EYS: variants seen among roughly 807,000 people sequenced by gnomAD.
EYS encodes the protein protein eyes shut homolog.
A neutral mutation model predicts 282.1 loss-of-function variants in EYS; 250 were observed. That is an observed-to-expected ratio of 0.89 (90% CI 0.80 to 0.98). EYS has a LOEUF of 0.98. EYS is among the 50% of genes least tolerant of loss of function. The pLI, the probability that EYS is intolerant of heterozygous loss-of-function variation, is 0.00. For missense variants in EYS, 4,016 were observed against 3,709.0 expected (o/e 1.08, Z -2.15); for synonymous variants, 1,355 against 1,282.9 (o/e 1.06, Z -1.20).
At chr6:64,581,262 A>G (rs928274560) in intron 26 of EYS, among the ~76,000 whole-genome samples, 2 of 152,124 alleles carry the variant, frequency 1.3e-5, no homozygotes, top group African/African-American at 4.8e-5. Context: ...TCAGCATGTG[A>G]AGAGGAGTCT....
chr6:65,063,313 T>C (rs1453433211), intron 12 of EYS, among the ~76,000 whole-genome samples: 1 of 152,016 alleles, frequency 6.6e-6, no homozygotes, highest in Non-Finnish European at 1.5e-5. Flanking sequence ...CCTTTTTACA[T>C]ATATTTTGGT....
At chr6:65,440,099 AC>A (rs1384870836) in intron 5 of EYS, among the ~76,000 whole-genome samples, 1 of 152,134 alleles carries the variant, frequency 6.6e-6, no homozygotes. Flanking sequence ...AGGATAAATC[AC>A]ATAATTGTGA....
chr6:65,581,432 T>C (rs576205691), intron 2 of EYS, among the ~76,000 whole-genome samples: 2 of 152,210 alleles, frequency 1.3e-5, no homozygotes, highest in East Asian at 3.9e-4. Flanking sequence ...ATATCTTTCA[T>C]CTATAATGGC....
chr6:64,678,572 C>A (rs112695940), intron 22 of EYS, among the ~76,000 whole-genome samples: 1 of 151,512 alleles, frequency 6.6e-6, no homozygotes, highest in Admixed American at 6.6e-5. Flanking sequence ...AGCGAGACTC[C>A]GTCTTAAAAA....
chr6:63,795,503 T>C (rs1456559869), intron 37 of EYS, among the ~76,000 whole-genome samples: 1 of 152,162 alleles, frequency 6.6e-6, no homozygotes, highest in African/African-American at 2.4e-5. Flanking sequence ...GTATGGGTGG[T>C]AGTGATAGTA....
intron 22 of EYS, among the ~76,000 whole-genome samples, chr6:64,798,610 T>C (rs901166816): frequency 1.4e-5 from 2 of 146,530 alleles, no homozygotes; most frequent in Non-Finnish European, 3.0e-5. Context: ...GTTTCTGGTT[T>C]TTTTTTTTTT....
intron 28 of EYS, among the ~76,000 whole-genome samples, chr6:64,419,342 G>C (rs1370571895): frequency 6.6e-6 from 1 of 152,108 alleles, no homozygotes; most frequent in Non-Finnish European, 1.5e-5. Flanking sequence ...TTTAAGATGA[G>C]ATTTGGGTGA....
intron 35 of EYS, among the ~76,000 whole-genome samples, chr6:63,932,629 TCTC>T (rs1764931074): frequency 6.6e-6 from 1 of 152,198 alleles, no homozygotes; most frequent in African/African-American, 2.4e-5. Context: ...TAGTAAAAAT[TCTC>T]CTATGAAAAG....
At position 65,143,298 on chromosome 6, in the gene EYS, T is replaced by G. The variant is rs149358448; in HGVS notation, c.2024-85571A>C. Among the ~76,000 whole-genome samples, 878 of 151,984 alleles carry G rather than the reference T, an allele frequency of 5.8e-3. 9 individuals are homozygous for G. Among genetic ancestry groups the G allele is most frequent in the African/African-American group, 0.02 (817 of 41,510 alleles). On this transcript the variant is annotated intron_variant, in intron 12 of 42. Coordinates refer to ENST00000503581, the MANE Select transcript of EYS (RefSeq NM_001142800.2). ...TGTACCACAGGATATAGTATATTAC[T>G]GAATTTATGTAAAATTCTATACCAA...
intron 19 of EYS, among the ~76,000 whole-genome samples, chr6:64,875,712 T>G (rs1355886687): frequency 6.6e-6 from 1 of 152,158 alleles, no homozygotes; most frequent in Non-Finnish European, 1.5e-5. Flanking sequence ...CACTGGTCTT[T>G]AATTAGGTCA....
At chr6:64,044,159 A>C (rs1016338883) in intron 33 of EYS, among the ~76,000 whole-genome samples, 3 of 152,184 alleles carry the variant, frequency 2.0e-5, no homozygotes, top group African/African-American at 2.4e-5. Flanking sequence ...TTCAGCAAAA[A>C]ATTTACTTCC....
At chr6:64,432,301 A>T (rs1286114890) in intron 28 of EYS, among the ~76,000 whole-genome samples, 1 of 151,994 alleles carries the variant, frequency 6.6e-6, no homozygotes, top group African/African-American at 2.4e-5. Flanking sequence ...AAATAAAGTA[A>T]TTTTTTAAAA....
At chr6:63,785,682 C>T (rs1447223963) in intron 39 of EYS, among the ~76,000 whole-genome samples, 3 of 152,020 alleles carry the variant, frequency 2.0e-5, no homozygotes, top group African/African-American at 4.8e-5. Context: ...TATTTTAGAT[C>T]ACGAACTTTG....
chr6:64,964,277 T>C (rs1243095781), intron 14 of EYS, among the ~76,000 whole-genome samples: 2 of 152,142 alleles, frequency 1.3e-5, no homozygotes, highest in East Asian at 3.9e-4. Context: ...ATAATCACTT[T>C]TTACCATCTG....
chr6:65,575,922 C>G (rs982383798), intron 2 of EYS, among the ~76,000 whole-genome samples: 4 of 151,896 alleles, frequency 2.6e-5, no homozygotes, highest in East Asian at 3.9e-4. Flanking sequence ...AAAACAACAA[C>G]AAGTAAAGAG....
intron 2 of EYS, among the ~76,000 whole-genome samples, chr6:65,553,080 A>G (rs1034542256): frequency 3.3e-5 from 5 of 152,180 alleles, no homozygotes; most frequent in Non-Finnish European, 7.4e-5. Context: ...AGATTAATTC[A>G]TTGTTTTTAA....
intron 12 of EYS, among the ~76,000 whole-genome samples, chr6:65,084,006 C>G (rs1287839067): frequency 2.0e-5 from 3 of 151,520 alleles, no homozygotes; most frequent in Admixed American, 6.6e-5. Flanking sequence ...ATAAAATATG[C>G]TGAAAAATAT....
At chr6:64,682,867 C>T (rs1399461772) in intron 22 of EYS, among the ~76,000 whole-genome samples, 1 of 152,172 alleles carries the variant, frequency 6.6e-6, no homozygotes, top group Non-Finnish European at 1.5e-5. Flanking sequence ...CCTTATGCTG[C>T]TCAGTTGACT....
intron 12 of EYS, among the ~76,000 whole-genome samples, chr6:65,257,937 C>T (rs1767514776): frequency 6.6e-6 from 1 of 151,716 alleles, no homozygotes; most frequent in African/African-American, 2.4e-5. Context: ...ATAGCATGAT[C>T]AGGTGACTGT....
Sources: gnomAD v4.1 joint callset for allele counts (sites outside exome capture counted in the v4.1 genomes callset) on GRCh38, gnomAD v4.1.1 for gene constraint, MANE v1.5 for transcripts, NCBI Gene and HGNC (gene_info 2026-07-23, HGNC 2026-07-21) for gene names.